OSBP2: variants seen among roughly 807,000 people sequenced by gnomAD.
OSBP2 encodes oxysterol binding protein 2.
OSBP2 carries 66 observed loss-of-function variants against 96.0 expected under a neutral mutation model. The ratio of observed to expected loss-of-function variants is 0.69; its 90% CI spans 0.56 to 0.84. The LOEUF is 0.84. OSBP2 is among the 40% of genes least tolerant of loss of function. The probability of loss-of-function intolerance (pLI) is 0.00; values close to 1 mark genes in which losing one functional copy is unlikely to be tolerated. For synonymous variants in OSBP2, 525 were observed against 520.9 expected (o/e 1.01, Z -0.11); for missense variants, 1,038 against 1,222.7 (o/e 0.85, Z 2.25).
intron 2 of OSBP2, among the ~76,000 whole-genome samples, chr22:30,753,929 G>T (rs1296857684): frequency 1.3e-5 from 2 of 152,134 alleles, no homozygotes; most frequent in African/African-American, 4.8e-5. Context: ...CGTTTTGCCT[G>T]GTGGCAGCTC....
At chr22:30,869,293 C>T (rs564477190) in intron 2 of OSBP2, among the ~76,000 whole-genome samples, 2 of 152,342 alleles carry the variant, frequency 1.3e-5, no homozygotes, top group South Asian at 4.1e-4. Context: ...GCCAGCCAGG[C>T]AGTGTGGGTA....
At chr22:30,818,733 G>A (rs1012636187) in intron 2 of OSBP2, among the ~76,000 whole-genome samples, 17 of 152,214 alleles carry the variant, frequency 1.1e-4, no homozygotes, top group African/African-American at 4.1e-4. Flanking sequence ...GATTAGTAAT[G>A]TTCTGGTAGC....
intron 3 of OSBP2, among the ~76,000 whole-genome samples, chr22:30,872,805 C>T (rs1028938886): frequency 5.3e-5 from 8 of 152,230 alleles, no homozygotes; most frequent in African/African-American, 1.9e-4. Flanking sequence ...AGCCACTCCT[C>T]GCCTGGCAGG....
intron 2 of OSBP2, among the ~76,000 whole-genome samples, chr22:30,765,353 G>A (rs2090257438): frequency 6.6e-6 from 1 of 152,268 alleles, no homozygotes; most frequent in South Asian, 2.1e-4. Flanking sequence ...GGGATTACAG[G>A]CTTGTGCCAC....
chr22:30,818,088 G>A (rs762869578), intron 2 of OSBP2, among the ~76,000 whole-genome samples: 3 of 152,104 alleles, frequency 2.0e-5, no homozygotes, highest in Non-Finnish European at 4.4e-5. Flanking sequence ...TACAAAGATG[G>A]AGTTTCGCCA....
At chr22:30,833,067 G>A (rs1201078889) in intron 2 of OSBP2, among the ~76,000 whole-genome samples, 1 of 152,196 alleles carries the variant, frequency 6.6e-6, no homozygotes, top group East Asian at 1.9e-4. Flanking sequence ...GAGTTGAGAA[G>A]GATTCAGTCA....
chr22:30,902,748 C>A, intron 12 of OSBP2: 1 of 458,188 alleles, frequency 2.2e-6, no homozygotes, highest in Non-Finnish European at 4.2e-6. Context: ...GTGCCAGACC[C>A]AGAGTGGAAT....
At chr22:30,833,605 C>T (rs1350313361) in intron 2 of OSBP2, among the ~76,000 whole-genome samples, 1 of 152,170 alleles carries the variant, frequency 6.6e-6, no homozygotes. Flanking sequence ...AGTAAATGGA[C>T]TCAAAGCCAG....
Position 30,847,788 on chromosome 22 carries a change from CTTG to C in OSBP2, c.854-22635_854-22633del, listed in dbSNP as rs1445260195. ...AGCAAAAAGTTGCTCATGATATTTC[CTTG>C]TTGTTCTTTGTCTGTGAGATCTGTA... is the stretch of plus-strand genomic sequence containing the variant. On this transcript the variant is annotated intron_variant, in intron 2 of 13. Transcript: ENST00000332585. 4.6e-5 allele frequency among the ~76,000 whole-genome samples: 7 copies of C among 152,128 alleles called. No individual in the cohort carries two copies. In the East Asian group the frequency reaches 7.7e-4, roughly 17 times the overall value.
rs764288874 is a variant in OSBP2 at position 30,695,304 on chromosome 22, G to A, written c.395G>A (p.Gly132Glu). The change falls in exon 1 of 14, where the codon GGG (glycine) becomes GAG (glutamate). Residue 132 changes from glycine (G) to glutamate (E), a missense_variant. Coordinates refer to ENST00000332585, the MANE Select transcript of OSBP2 (RefSeq NM_030758.4). Reference protein sequence around the residue: ...AASEPLSRAVGSATFLRPESG... With the variant: ...AASEPLSRAVESATFLRPESG... ...TCGGAGCCGCTCTCCCGGGCGGTGG[G>A]GAGCGCGACCTTTCTCAGACCCGAG... 6.2e-7 allele frequency: 1 copy of A among 1,613,430 alleles called. No homozygotes were observed. The highest frequency in any genetic ancestry group is 1.1e-5 in the South Asian group (1 of 91,086).
At chr22:30,772,282 G>A (rs1472686406) in intron 2 of OSBP2, among the ~76,000 whole-genome samples, 1 of 152,202 alleles carries the variant, frequency 6.6e-6, no homozygotes. Flanking sequence ...TCAGAAGATG[G>A]TCAGAAACAC....
At chr22:30,894,059 G>GACAGTGA in intron 12 of OSBP2, 58 bp downstream of exon 12, 1 of 1,486,274 alleles carries the variant, frequency 6.7e-7, no homozygotes, top group East Asian at 2.4e-5. Context: ...GAGGACAGTG[G>GACAGTGA]ACAGAAAGCA....
rs539653647 is a variant in OSBP2 at position 30,763,828 on chromosome 22, C to G, written c.853+22459C>G. Among the ~76,000 whole-genome samples, 27 of 152,266 alleles carry G rather than the reference C, an allele frequency of 1.8e-4. 4 individuals are homozygous for G. Among genetic ancestry groups the G allele is most frequent in the Admixed American group, 1.5e-3 (23 of 15,296 alleles). ...TTATCTACGAGCATTTAACCCTATC[C>G]TGGGGGACCTTGACCCCCAGCCCAC... On this transcript the variant is annotated intron_variant, in intron 2 of 13. Coordinates refer to ENST00000332585, the MANE Select transcript of OSBP2 (RefSeq NM_030758.4).
chr22:30,866,492 C>A (rs2039341983), intron 2 of OSBP2, among the ~76,000 whole-genome samples: 1 of 152,190 alleles, frequency 6.6e-6, no homozygotes, highest in Non-Finnish European at 1.5e-5. Context: ...GTGATCCCAG[C>A]ACTTCGGGAG....
intron 2 of OSBP2, among the ~76,000 whole-genome samples, chr22:30,806,329 C>T (rs1360423694): frequency 6.6e-6 from 1 of 152,152 alleles, no homozygotes; most frequent in African/African-American, 2.4e-5. Context: ...TGAGAGCGCC[C>T]CATCGCTTAG....
rs1297232061 is a variant in OSBP2, at chr22:30,907,242, T to C, written c.*903T>C. ...CTGGTGACCTGGGCACCAGAGACCT[T>C]GCATCCCTCCTCATCCTAGGAGGCC... On this transcript the variant is annotated 3_prime_UTR_variant, in exon 14 of 14. Transcript: ENST00000332585. 1.3e-5 allele frequency: 2 copies of C among 152,592 alleles called. No individual in the cohort carries two copies. The highest frequency in any genetic ancestry group is 2.9e-5 in the Non-Finnish European group (2 of 68,032). 9.5% of individuals were successfully genotyped at this position (152,592 alleles called of 1,614,324 possible). A position where few individuals can be genotyped will look rare whatever the true frequency, so the allele number is the denominator to read the frequency against.
chr22:30,889,217 T>A lies in OSBP2; in HGVS notation c.1459T>A (p.Trp487Arg), dbSNP rs760647066. The change falls in exon 6 of 14, where the codon TGG becomes AGG. Residue 487 changes from tryptophan (W) to arginine (R), a missense_variant. Trp to Arg is a moderately radical substitution (Grantham distance 101, BLOSUM62 -3). Coordinates refer to ENST00000332585, the MANE Select transcript of OSBP2 (RefSeq NM_030758.4). ...TAGCACCGGGACAAGTTCCGTGGAC[T>A]GGAGCTCAGCAGACAATGTAAGTGA... Reference protein sequence around the residue: ...EGSTGTSSVDWSSADNVLDGA... With the variant: ...EGSTGTSSVDRSSADNVLDGA... 6.2e-7 allele frequency: 1 copy of A among 1,612,850 alleles called. No homozygotes were observed. Among genetic ancestry groups the A allele is most frequent in the Non-Finnish European group, 8.5e-7 (1 of 1,179,742 alleles).
chr22:30,707,809 G>A (rs1437181520), intron 1 of OSBP2, among the ~76,000 whole-genome samples: 2 of 152,126 alleles, frequency 1.3e-5, no homozygotes, highest in East Asian at 1.9e-4. Context: ...TGCAGTAGCC[G>A]AGGGGGAGTC....
intron 1 of OSBP2, among the ~76,000 whole-genome samples, chr22:30,704,437 G>C (rs990530468): frequency 1.3e-5 from 2 of 152,064 alleles, no homozygotes; most frequent in Non-Finnish European, 2.9e-5. Context: ...TCAGAGCCCA[G>C]GGTTTTTACT....
Sources: gnomAD v4.1 joint callset for allele counts (sites outside exome capture counted in the v4.1 genomes callset) on GRCh38, gnomAD v4.1.1 for gene constraint, MANE v1.5 for transcripts, NCBI Gene and HGNC (gene_info 2026-07-23, HGNC 2026-07-21) for gene names.